The following ACTR2 variants were observed in gnomAD, a reference collection of about 807,000 sequenced individuals.
ACTR2 encodes the protein actin related protein 2.
A neutral mutation model predicts 50.2 loss-of-function variants in ACTR2; 5 were observed. The observed-to-expected ratio is 0.10, with a 90% CI of 0.05 to 0.21. ACTR2 has a LOEUF of 0.21. Among genes scored for constraint, ACTR2 ranks in the 10% least tolerant of loss-of-function variants. The pLI, the probability that ACTR2 is intolerant of heterozygous loss-of-function variation, is 1.00. For missense variants in ACTR2, 180 were observed against 480.6 expected (o/e 0.37, Z 5.85); for synonymous variants, 140 against 162.9 (o/e 0.86, Z 1.07).
chr2:65,256,635 G>A (rs1672153957), intron 6 of ACTR2, among the ~76,000 whole-genome samples: 1 of 152,172 alleles, frequency 6.6e-6, no homozygotes, highest in Non-Finnish European at 1.5e-5. Flanking sequence ...ACTTTGGGAG[G>A]CCGAGGCAGG....
intron 1 of ACTR2, among the ~76,000 whole-genome samples, chr2:65,230,350 G>A (rs1018352772): frequency 4.7e-5 from 7 of 149,600 alleles, no homozygotes; most frequent in Non-Finnish European, 7.4e-5. Flanking sequence ...TGTATTTGTA[G>A]TATATATGAG....
At chr2:65,227,986 G>C (rs1268679319) in intron 1 of ACTR2, 29 bp downstream of exon 1, 3 of 1,486,018 alleles carry the variant, frequency 2.0e-6, no homozygotes, top group Non-Finnish European at 2.7e-6. Context: ...GGCCTTGGCG[G>C]CCACAGACGC....
At chr2:65,246,373 C>T in intron 2 of ACTR2, 151 bp from the exon 3 acceptor site, 1 of 601,054 alleles carries the variant, frequency 1.7e-6, no homozygotes, top group Non-Finnish European at 2.9e-6. Context: ...ATTAAACTTT[C>T]TAAGACATTG....
At chr2:65,261,135 T>G (rs1573168048) in intron 6 of ACTR2, 112 bp from the exon 7 acceptor site, 1 of 1,003,254 alleles carries the variant, frequency 1.0e-6, no homozygotes, top group Non-Finnish European at 1.5e-6. Context: ...AAATTGTTGT[T>G]GGTAATGATT....
At chr2:65,265,599 T>A (rs756331557) in intron 8 of ACTR2, among the ~76,000 whole-genome samples, 2 of 152,222 alleles carry the variant, frequency 1.3e-5, no homozygotes, top group Admixed American at 6.5e-5. Context: ...TATGTTGTCT[T>A]CTCAGTCAGA....
At chr2:65,228,663 C>T (rs1441209177) in intron 1 of ACTR2, among the ~76,000 whole-genome samples, 1 of 152,100 alleles carries the variant, frequency 6.6e-6, no homozygotes, top group African/African-American at 2.4e-5. Context: ...AGTGTTAATT[C>T]CACTAGCCTT....
chr2:65,259,202 T>A (rs1201866146), intron 6 of ACTR2, among the ~76,000 whole-genome samples: 1 of 151,906 alleles, frequency 6.6e-6, no homozygotes, highest in Non-Finnish European at 1.5e-5. Context: ...GATGGGAGGA[T>A]CATTTGAGCC....
intron 3 of ACTR2, among the ~76,000 whole-genome samples, chr2:65,248,356 C>T (rs753959323): frequency 2.0e-5 from 3 of 151,980 alleles, no homozygotes; most frequent in Non-Finnish European, 2.9e-5. Context: ...GCCGAGATTA[C>T]ACCACTGCAT....
chr2:65,250,342 C>A (rs1362580141), intron 3 of ACTR2, among the ~76,000 whole-genome samples: 1 of 148,068 alleles, frequency 6.8e-6, no homozygotes, highest in Non-Finnish European at 1.5e-5. Flanking sequence ...CCAGCCTGGG[C>A]GACAGAGCAA....
rs1671560134 is a variant in ACTR2, at chr2:65,228,045, ACCTCCGGGC to A, written c.48+93_48+101del. The A allele has an allele frequency of 4.7e-6, 6 of 1,284,702 alleles. No homozygotes were observed. In the East Asian group the frequency reaches 9.4e-5, roughly 20 times the overall value. The allele number at this position is 1,284,702 out of a possible 1,614,324, so 79.6% of individuals were successfully genotyped here. ...ACGGGCCCTCGGCCCCCAGGGCTGC[ACCTCCGGGC>A]CCTCGGGGCGAAGGGGCGCGGGGCG... On this transcript the variant is annotated intron_variant, in intron 1 of 8. Coordinates refer to ENST00000260641, the MANE Select transcript of ACTR2 (RefSeq NM_005722.4).
chr2:65,248,705 TAGG>T (rs1022230942), intron 3 of ACTR2, among the ~76,000 whole-genome samples: 2 of 151,598 alleles, frequency 1.3e-5, no homozygotes, highest in Non-Finnish European at 2.9e-5. Flanking sequence ...ACCAGAGAGA[TAGG>T]AGGAGCCAGC....
At chr2:65,248,094 T>C (rs945204442) in intron 3 of ACTR2, among the ~76,000 whole-genome samples, 1 of 152,088 alleles carries the variant, frequency 6.6e-6, no homozygotes, top group African/African-American at 2.4e-5. Flanking sequence ...ATTGGTGCCT[T>C]GTAGGCTCTA....
intron 6 of ACTR2, among the ~76,000 whole-genome samples, 161 bp from the exon 7 acceptor site, chr2:65,261,086 A>G (rs772384073): frequency 2.1e-5 from 3 of 141,148 alleles, no homozygotes; most frequent in Admixed American, 1.5e-4. Context: ...ACCTAAATCT[A>G]TTTAATTTAC....
At chr2:65,230,285 A>C (rs1402622145) in intron 1 of ACTR2, among the ~76,000 whole-genome samples, 1 of 152,162 alleles carries the variant, frequency 6.6e-6, no homozygotes, top group Non-Finnish European at 1.5e-5. Context: ...CTTTTTAGAA[A>C]GTCAAGCCAG....
intron 2 of ACTR2, among the ~76,000 whole-genome samples, chr2:65,244,595 T>C (rs1193689433): frequency 1.3e-5 from 2 of 152,218 alleles, no homozygotes; most frequent in Non-Finnish European, 2.9e-5. Context: ...CTTCAACATG[T>C]GCATGTTATT....
At chr2:65,233,737 A>G (rs1300643696) in intron 1 of ACTR2, among the ~76,000 whole-genome samples, 1 of 151,516 alleles carries the variant, frequency 6.6e-6, no homozygotes, top group Non-Finnish European at 1.5e-5. Context: ...CCAGCCTCTC[A>G]AGTAGCTGGG....
chr2:65,240,798 T>A (rs1671827678), intron 2 of ACTR2, among the ~76,000 whole-genome samples: 1 of 152,216 alleles, frequency 6.6e-6, no homozygotes, highest in Admixed American at 6.5e-5. Context: ...GTTTGTCCTA[T>A]CTGGATAGTC....
intron 2 of ACTR2, among the ~76,000 whole-genome samples, chr2:65,240,456 A>C (rs1671819350): frequency 6.6e-6 from 1 of 152,166 alleles, no homozygotes; most frequent in South Asian, 2.1e-4. Flanking sequence ...TCATTAATAT[A>C]ACTTATTTCC....
chr2:65,268,854 G>A lies in ACTR2; in HGVS notation c.*120G>A. 10 of 1,127,918 alleles carry A rather than the reference G, an allele frequency of 8.9e-6. No homozygotes were observed. The highest frequency in any genetic ancestry group is 1.0e-5 in the Non-Finnish European group (8 of 792,012). The allele number at this position is 1,127,918 out of a possible 1,614,324, so 69.9% of individuals were successfully genotyped here. Reference sequence around the variant, plus strand: ...CTCTCTCTGCCCTTTGACTGGAAAGGTCAAGTTTTATTCTGGTGTCTTGGG... The same window carrying A: ...CTCTCTCTGCCCTTTGACTGGAAAGATCAAGTTTTATTCTGGTGTCTTGGG... On this transcript the variant is annotated 3_prime_UTR_variant, in exon 9 of 9. Coordinates refer to ENST00000260641, the MANE Select transcript of ACTR2 (RefSeq NM_005722.4).
Sources: gnomAD v4.1 joint callset for allele counts (sites outside exome capture counted in the v4.1 genomes callset) on GRCh38, gnomAD v4.1.1 for gene constraint, MANE v1.5 for transcripts, NCBI Gene and HGNC (gene_info 2026-07-23, HGNC 2026-07-21) for gene names.